ODR4: variants seen among roughly 807,000 people sequenced by gnomAD.
ODR4 encodes the protein odr-4 GPCR localization factor homolog, also known as protein odr-4 homolog.
Under a neutral mutation model 60.2 loss-of-function variants are expected in ODR4, and 47 were observed. The ratio of observed to expected loss-of-function variants is 0.78; its 90% CI spans 0.62 to 1.00. The LOEUF (loss-of-function observed/expected upper bound fraction) is 1.00, where lower values mean the gene tolerates loss of function less well. Ranked by LOEUF, ODR4 falls within the 50% of genes least tolerant of loss-of-function variation. The pLI, the probability that ODR4 is intolerant of heterozygous loss-of-function variation, is 0.00. For synonymous variants in ODR4, 178 were observed against 175.5 expected (o/e 1.01, Z -0.11); for missense variants, 488 against 530.8 (o/e 0.92, Z 0.79).
At chr1:186,402,187 A>ATTTCTTTCTTTCTTTCT (rs369476087) in intron 11 of ODR4, among the ~76,000 whole-genome samples, 8 of 135,424 alleles carry the variant, frequency 5.9e-5, no homozygotes, top group African/African-American at 2.3e-4. Flanking sequence ...TAGGCATCCT[A>ATTTCTTTCTTTCTTTCT]TTCTTTCTTT....
At chr1:186,378,901 ACT>A (rs1659904460) in intron 1 of ODR4, among the ~76,000 whole-genome samples, 1 of 152,178 alleles carries the variant, frequency 6.6e-6, no homozygotes, top group East Asian at 1.9e-4. Flanking sequence ...TACTTAAATA[ACT>A]CTTACTGTAG....
rs534020063 is a variant in ODR4, at chr1:186,413,407, G to T, written c.1187-4137G>T. 4.1e-4 allele frequency among the ~76,000 whole-genome samples: 63 copies of T among 152,162 alleles called. 1 individual carries two copies. Among genetic ancestry groups the T allele is most frequent in the East Asian group, 2.9e-3 (15 of 5,178 alleles). ...TATGTTTAAAATACATATTTGCCAA[G>T]TAAGTATCTTAAAATAACATACTTT... On this transcript the variant is annotated intron_variant, in intron 12 of 13. Coordinates refer to ENST00000287859, the MANE Select transcript of ODR4 (RefSeq NM_017847.6).
At chr1:186,390,165 T>C (rs1660408127) in intron 6 of ODR4, among the ~76,000 whole-genome samples, 1 of 152,194 alleles carries the variant, frequency 6.6e-6, no homozygotes, top group Non-Finnish European at 1.5e-5. Flanking sequence ...GTTTGTGTAT[T>C]TAGTTTTATA....
At chr1:186,393,394 A>G (rs1660542394) in intron 8 of ODR4, among the ~76,000 whole-genome samples, 1 of 152,240 alleles carries the variant, frequency 6.6e-6, no homozygotes, top group African/African-American at 2.4e-5. Flanking sequence ...CTGACCTGCA[A>G]CCAAAGGCCA....
chr1:186,405,347 G>T (rs970942806), intron 11 of ODR4, among the ~76,000 whole-genome samples: 21 of 152,060 alleles, frequency 1.4e-4, no homozygotes, highest in African/African-American at 4.8e-4. Flanking sequence ...ATGTAAGGTG[G>T]CCAGTAATTT....
the ODR4 span, among the ~76,000 whole-genome samples, chr1:186,430,390 C>T: frequency 2.4e-4 from 37 of 151,998 alleles, no homozygotes; most frequent in Non-Finnish European, 5.2e-4. Flanking sequence ...TCAACTTGCT[C>T]AATTTGTTGA....
chr1:186,422,378 T>G (rs1397845567), downstream of ODR4, among the ~76,000 whole-genome samples: 1 of 152,118 alleles, frequency 6.6e-6, no homozygotes, highest in Non-Finnish European at 1.5e-5. Flanking sequence ...TGAGCAATAA[T>G]GGGAGATTTC....
downstream of ODR4, among the ~76,000 whole-genome samples, chr1:186,421,577 G>C (rs1235589073): frequency 1.3e-5 from 2 of 152,000 alleles, no homozygotes; most frequent in Non-Finnish European, 2.9e-5. Context: ...ACAATAGATA[G>C]GGGATCGGCC....
At chr1:186,429,350 G>A in the ODR4 span, among the ~76,000 whole-genome samples, 25 of 152,248 alleles carry the variant, frequency 1.6e-4, no homozygotes, top group East Asian at 4.8e-3. Context: ...GACAGAAAAT[G>A]AGCATATACT....
the ODR4 span, among the ~76,000 whole-genome samples, chr1:186,426,578 G>A: frequency 6.6e-6 from 1 of 152,210 alleles, no homozygotes; most frequent in Non-Finnish European, 1.5e-5. Flanking sequence ...CTTCTCAGAA[G>A]TTCCAGAATG....
At chr1:186,390,264 T>G (rs1472058073) in intron 6 of ODR4, among the ~76,000 whole-genome samples, 8 of 152,192 alleles carry the variant, frequency 5.3e-5, no homozygotes, top group Non-Finnish European at 7.4e-5. Flanking sequence ...AAAACCCAGA[T>G]TAGCACTTTG....
intron 12 of ODR4, among the ~76,000 whole-genome samples, chr1:186,410,337 A>C (rs952298122): frequency 1.3e-5 from 2 of 152,322 alleles, no homozygotes; most frequent in East Asian, 3.9e-4. Context: ...AACATTTAAG[A>C]CATGAAATTA....
chr1:186,417,692 A>G, intron 13 of ODR4, 38 bp downstream of exon 13: 1 of 1,086,742 alleles, frequency 9.2e-7, no homozygotes, highest in Non-Finnish European at 1.4e-6. Context: ...CTGAAAACAT[A>G]TTTAGATTTG....
chr1:186,432,676 A>G, the ODR4 span, among the ~76,000 whole-genome samples: 1 of 152,048 alleles, frequency 6.6e-6, no homozygotes, highest in Non-Finnish European at 1.5e-5. Flanking sequence ...AATATTTTAT[A>G]TCATTTTTAT....
At chr1:186,396,276 T>A (rs1424074371) in intron 9 of ODR4, among the ~76,000 whole-genome samples, 1 of 152,182 alleles carries the variant, frequency 6.6e-6, no homozygotes, top group African/African-American at 2.4e-5. Flanking sequence ...CTGGTCTACA[T>A]TTCCACCTAA....
At chr1:186,401,186 T>C (rs1660930862) in intron 11 of ODR4, 3 of 1,580,262 alleles carry the variant, frequency 1.9e-6, no homozygotes, top group Admixed American at 1.7e-5. Flanking sequence ...TTTGAAATTT[T>C]TGCTGATGTT....
At chr1:186,384,984 C>A (rs891746564) in intron 3 of ODR4, among the ~76,000 whole-genome samples, 2 of 151,868 alleles carry the variant, frequency 1.3e-5, no homozygotes, top group Non-Finnish European at 2.9e-5. Flanking sequence ...AGAAAAAAAT[C>A]CATGTGGTAT....
intron 9 of ODR4, 126 bp downstream of exon 9, chr1:186,394,141 TG>T (rs1460807907): frequency 1.5e-5 from 9 of 603,096 alleles, no homozygotes; most frequent in Non-Finnish European, 2.6e-5. Context: ...ATGAAATGGC[TG>T]GTTATAGGAA....
rs1660436311 is a variant in ODR4 at position 186,390,708 on chromosome 1, T to C, written c.475-3T>C. ...GTTATTTTTCTCCCTTCTCCACTGC[T>C]AGAGTTCAGCAAGACCAGCAGATTG... On this transcript the variant is annotated splice_region_variant and splice_polypyrimidine_tract_variant and intron_variant, in intron 6 of 13. Coordinates refer to ENST00000287859, the MANE Select transcript of ODR4 (RefSeq NM_017847.6). The C allele has an allele frequency of 1.2e-6, 2 of 1,613,314 alleles. No homozygotes were observed. The highest frequency in any genetic ancestry group is 4.5e-5 in the East Asian group (2 of 44,790).
Sources: allele counts gnomAD v4.1 joint callset (sites outside exome capture counted in the v4.1 genomes callset), GRCh38; gene constraint gnomAD v4.1.1; transcripts MANE v1.5; gene names NCBI Gene and HGNC (gene_info 2026-07-23, HGNC 2026-07-21).